CUL1: variants seen among roughly 807,000 people sequenced by gnomAD.
The protein encoded by CUL1 is cullin-1.
A neutral mutation model predicts 118.0 loss-of-function variants in CUL1; 24 were observed. The ratio of observed to expected loss-of-function variants is 0.20; its 90% confidence interval spans 0.15 to 0.29. The LOEUF is 0.29. CUL1 is among the 10% of genes least tolerant of loss of function. The pLI, the probability that CUL1 is intolerant of heterozygous loss-of-function variation, is 1.00. For missense variants in CUL1, 361 were observed against 933.8 expected, an observed-to-expected ratio of 0.39 and a Z score of 7.99; for synonymous variants, 332 against 340.4, an observed-to-expected ratio of 0.98 and a Z score of 0.27.
chr7:148,726,607 T>G (rs1183076249), intron 1 of CUL1, among the ~76,000 whole-genome samples: 1 of 152,168 alleles, frequency 6.6e-6, no homozygotes, highest in East Asian at 1.9e-4. Context: ...AACCTAAAAT[T>G]CAGACTAGAG....
chr7:148,784,777 A>G (rs540326045), intron 11 of CUL1, among the ~76,000 whole-genome samples: 1 of 152,220 alleles, frequency 6.6e-6, no homozygotes, highest in Non-Finnish European at 1.5e-5. Flanking sequence ...ATATTAATAA[A>G]TTATATTTTA....
intron 2 of CUL1, among the ~76,000 whole-genome samples, chr7:148,744,174 T>C (rs1179437880): frequency 6.6e-6 from 1 of 152,180 alleles, no homozygotes; most frequent in East Asian, 1.9e-4. Flanking sequence ...TGTCAACATA[T>C]AGAGCGGTCT....
intron 1 of CUL1, among the ~76,000 whole-genome samples, chr7:148,710,914 C>T (rs897090493): frequency 2.6e-5 from 4 of 152,006 alleles, no homozygotes; most frequent in African/African-American, 7.3e-5. Context: ...GTGATCTGCC[C>T]GCCTCGGCCT....
intron 2 of CUL1, 99 bp from the exon 3 acceptor site, chr7:148,753,877 T>C (rs978242935): frequency 1.6e-5 from 14 of 858,790 alleles, no homozygotes; most frequent in Middle Eastern, 5.7e-4. Context: ...TTGGTTGATA[T>C]ATTGGGAATG....
At chr7:148,740,384 C>T (rs956917453) in intron 2 of CUL1, among the ~76,000 whole-genome samples, 14 of 152,130 alleles carry the variant, frequency 9.2e-5, no homozygotes, top group African/African-American at 2.9e-4. Flanking sequence ...ATTCACATAG[C>T]ATACAATGCA....
chr7:148,764,597 G>C (rs140773092), intron 7 of CUL1, among the ~76,000 whole-genome samples: 1 of 152,206 alleles, frequency 6.6e-6, no homozygotes, highest in Non-Finnish European at 1.5e-5. Flanking sequence ...TTTGCTGCCT[G>C]AGATGATTAT....
rs1185665850 is a variant in CUL1, at chr7:148,708,233, C to CT, written c.-162+9208dup. Among the ~76,000 whole-genome samples the CT allele has an allele frequency of 1.2e-4, 19 of 152,330 alleles. 1 individual carries two copies. The highest frequency in any genetic ancestry group is 4.6e-4 in the African/African-American group (19 of 41,584). On this transcript the variant is annotated intron_variant, in intron 1 of 21. Coordinates refer to ENST00000325222, the MANE Select transcript of CUL1 (RefSeq NM_003592.3). ...GCAGTCCTGCTAATAGCCTTCAGGG[C>CT]TTTTGCATTTGACTAACCTGGCCTT...
Position 148,717,287 on chromosome 7 carries a change from C to T in CUL1, c.-161-12675C>T, listed in dbSNP as rs555361493. Among the ~76,000 whole-genome samples the T allele has an allele frequency of 3.9e-5, 6 of 152,248 alleles. No homozygotes were observed. In the East Asian group the frequency reaches 1.2e-3, roughly 29 times the overall value. On this transcript the variant is annotated intron_variant, in intron 1 of 21. Transcript: ENST00000325222. The stretch of plus-strand genomic sequence containing the variant: ...GGCCAGGCTGGTCGCGAACTCCTGA[C>T]CTCAGGTGATCTGCCTGCCTGAGCC...
chr7:148,748,259 C>T (rs1375614342), intron 2 of CUL1, among the ~76,000 whole-genome samples: 1 of 152,048 alleles, frequency 6.6e-6, no homozygotes, highest in East Asian at 1.9e-4. Context: ...TAATACTAGA[C>T]TCAGTTTTTT....
At chr7:148,699,442 T>C (rs557052241) in intron 1 of CUL1, among the ~76,000 whole-genome samples, 15 of 152,046 alleles carry the variant, frequency 9.9e-5, no homozygotes, top group African/African-American at 3.1e-4. Context: ...CCTCGCCTGG[T>C]GAGGCGACCT....
intron 1 of CUL1, among the ~76,000 whole-genome samples, chr7:148,700,767 T>C (rs1479656100): frequency 6.6e-6 from 1 of 152,224 alleles, no homozygotes. Flanking sequence ...ATTGGCTTCA[T>C]CTTTTAAAAA....
chr7:148,730,200 C>T lies in CUL1; in HGVS notation c.78C>T (p.Ala26=), dbSNP rs567760717. The change falls in exon 2 of 22, where the codon GCC becomes GCT. Residue 26 remains alanine (A), a synonymous_variant. Coordinates refer to ENST00000325222, the MANE Select transcript of CUL1 (RefSeq NM_003592.3). ...GLDQIWDDLR[A]GIQQVYTRQS... ...ACCAGATCTGGGACGACCTCAGAGCCGGCATCCAGCAGGTGTACACACGGC... is the reference window on the plus strand; with the variant it reads ...ACCAGATCTGGGACGACCTCAGAGCTGGCATCCAGCAGGTGTACACACGGC... 8 of 1,614,122 alleles carry T rather than the reference C, an allele frequency of 5.0e-6. No individual in the cohort carries two copies. Among genetic ancestry groups the T allele is most frequent in the East Asian group, 4.5e-5 (2 of 44,874 alleles).
At chr7:148,716,667 T>G (rs1350766800) in intron 1 of CUL1, among the ~76,000 whole-genome samples, 2 of 152,256 alleles carry the variant, frequency 1.3e-5, no homozygotes, top group African/African-American at 4.8e-5. Context: ...GTGTTAGTAT[T>G]TACTCCCATC....
At chr7:148,786,480 CATT>C in intron 11 of CUL1, 68 bp from the exon 12 acceptor site, 1 of 1,155,326 alleles carries the variant, frequency 8.7e-7, no homozygotes, top group Non-Finnish European at 1.3e-6. Flanking sequence ...CTTGAAGCTG[CATT>C]CTGGCTAAGT....
intron 7 of CUL1, among the ~76,000 whole-genome samples, chr7:148,760,846 A>C (rs1393424503): frequency 2.0e-5 from 3 of 152,200 alleles, no homozygotes; most frequent in East Asian, 3.8e-4. Context: ...TGCAAACTTT[A>C]ATTTTTTGCT....
chr7:148,729,343 A>G (rs1798680890), intron 1 of CUL1, among the ~76,000 whole-genome samples: 1 of 151,974 alleles, frequency 6.6e-6, no homozygotes, highest in Non-Finnish European at 1.5e-5. Flanking sequence ...AGGTTAAGAA[A>G]CTCACCCAGT....
intron 7 of CUL1, among the ~76,000 whole-genome samples, chr7:148,762,661 T>C (rs1799871185): frequency 6.6e-6 from 1 of 152,234 alleles, no homozygotes; most frequent in African/African-American, 2.4e-5. Context: ...TAAAACTATA[T>C]ATCCCAAAGA....
rs1441468856 is a variant in CUL1, at chr7:148,757,063, G to A, written c.396G>A (p.Val132=). 3 of 1,608,670 alleles carry A rather than the reference G, an allele frequency of 1.9e-6. No individual in the cohort carries two copies. The highest frequency in any genetic ancestry group is 2.5e-6 in the Non-Finnish European group (3 of 1,177,786). ...AAGATTATCGATTTTCAAGCAAAGTGCTGAATGGAATTTGTGCCTACCTCA... is the reference window on the plus strand; with the variant it reads ...AAGATTATCGATTTTCAAGCAAAGTACTGAATGGAATTTGTGCCTACCTCA... ...QWEDYRFSSK[V]LNGICAYLNR... The change falls in exon 4 of 22, where the codon GTG becomes GTA. Residue 132 remains valine (V), a synonymous_variant. Coordinates refer to ENST00000325222, the MANE Select transcript of CUL1 (RefSeq NM_003592.3).
At position 148,787,265 on chromosome 7, in the gene CUL1, A is replaced by G; in HGVS notation, c.1479+145A>G. 1 of 682,220 alleles carries G rather than the reference A, an allele frequency of 1.5e-6. No individual in the cohort carries two copies. The highest frequency in any genetic ancestry group is 2.4e-6 in the Non-Finnish European group (1 of 420,834). 42.3% of individuals were successfully genotyped at this position (682,220 alleles called of 1,614,324 possible). A position where few individuals can be genotyped will look rare whatever the true frequency, so the allele number is the denominator to read the frequency against. On this transcript the variant is annotated intron_variant, in intron 13 of 21. Coordinates refer to ENST00000325222, the MANE Select transcript of CUL1 (RefSeq NM_003592.3). This position sits in a 1 kb window ranked among gnomAD's most constrained non-coding sequence, Gnocchi z 5.5. ...ATCACGAGGTCAGGAGATCGAGACC[A>G]TCCTGGCTAATATGGAGAAACCCCA...
Sources: gnomAD v4.1 joint callset for allele counts (sites outside exome capture counted in the v4.1 genomes callset) on GRCh38, gnomAD v4.1.1 for gene constraint, Gnocchi (gnomAD v3.1) non-coding constraint, MANE v1.5 for transcripts, NCBI Gene and HGNC (gene_info 2026-07-23, HGNC 2026-07-21) for gene names.